BTG4: variants seen among roughly 807,000 people sequenced by gnomAD.
BTG4 encodes the protein BTG anti-proliferation factor 4.
BTG4 carries 10 observed loss-of-function variants against 19.3 expected under a neutral mutation model. The observed-to-expected ratio is 0.52, with a 90% CI of 0.32 to 0.88. The LOEUF is 0.88. Among genes scored for constraint, BTG4 ranks in the 40% least tolerant of loss-of-function variants. The probability of loss-of-function intolerance (pLI) is 0.04; values close to 1 mark genes in which losing one functional copy is unlikely to be tolerated. For missense variants in BTG4, 238 were observed against 281.9 expected (o/e 0.84, Z 1.11); for synonymous variants, 91 against 95.7 (o/e 0.95, Z 0.29).
the BTG4 span, among the ~76,000 whole-genome samples, chr11:111,400,437 T>G: frequency 6.6e-6 from 1 of 152,246 alleles, no homozygotes; most frequent in South Asian, 2.1e-4. Context: ...CTCTGTATTG[T>G]ACAGGCTCAT....
the BTG4 span, among the ~76,000 whole-genome samples, chr11:111,421,440 T>C: frequency 5.0e-3 from 758 of 152,292 alleles, 9 homozygotes; most frequent in African/African-American, 0.017. Context: ...AGTCAACCGA[T>C]TTGCAAAGAC....
chr11:111,444,178 G>A, the BTG4 span, among the ~76,000 whole-genome samples: 30 of 139,028 alleles, frequency 2.2e-4, no homozygotes, highest in African/African-American at 8.0e-4. Flanking sequence ...CCACTACCCT[G>A]AGGGGTGTGT....
At chr11:111,484,654 C>T (rs1257648172) in intron 5 of BTG4, among the ~76,000 whole-genome samples, 1 of 151,512 alleles carries the variant, frequency 6.6e-6, no homozygotes, top group Non-Finnish European at 1.5e-5. Flanking sequence ...GATACACACA[C>T]AAAAAAAAAG....
chr11:111,512,964 A>T, upstream of BTG4: 1 of 470,020 alleles, frequency 2.1e-6, no homozygotes, highest in South Asian at 1.6e-5. Flanking sequence ...CAGTGTCATT[A>T]GCTGATTGTA....
the BTG4 span, chr11:111,454,194 G>C: frequency 4.6e-6 from 2 of 431,706 alleles, no homozygotes; most frequent in South Asian, 3.4e-5. Context: ...GCTCATATTT[G>C]CATTTCAGGA....
intron 1 of BTG4, among the ~76,000 whole-genome samples, chr11:111,503,675 G>A (rs538563284): frequency 6.6e-6 from 1 of 152,130 alleles, no homozygotes; most frequent in Non-Finnish European, 1.5e-5. Context: ...AGAACAGAAA[G>A]GCAGTGAAGC....
intron 4 of BTG4, among the ~76,000 whole-genome samples, 186 bp from the exon 5 acceptor site, chr11:111,495,500 T>G (rs1391509829): frequency 2.6e-5 from 4 of 152,232 alleles, no homozygotes; most frequent in Non-Finnish European, 5.9e-5. Context: ...ATACTGTACC[T>G]TTTTAAAAAG....
chr11:111,481,755 C>T (rs192582426), intron 5 of BTG4, among the ~76,000 whole-genome samples: 8 of 151,788 alleles, frequency 5.3e-5, no homozygotes, highest in African/African-American at 1.9e-4. Flanking sequence ...GCAGAAAAAG[C>T]ATTTCACAAA....
At chr11:111,482,678 A>G (rs1452066737) in intron 5 of BTG4, among the ~76,000 whole-genome samples, 1 of 152,182 alleles carries the variant, frequency 6.6e-6, no homozygotes, top group African/African-American at 2.4e-5. Flanking sequence ...TGCAAGAACA[A>G]TTTGATGGAG....
the BTG4 span, among the ~76,000 whole-genome samples, chr11:111,403,320 T>C: frequency 6.6e-6 from 1 of 152,244 alleles, no homozygotes; most frequent in Non-Finnish European, 1.5e-5. Flanking sequence ...ACACTTCTGT[T>C]GTTTTCCTCC....
At chr11:111,384,600 T>C in the BTG4 span, 1 of 152,166 alleles carries the variant, frequency 6.6e-6, no homozygotes, top group Non-Finnish European at 1.5e-5. Context: ...TCTAGCCAAA[T>C]TGTCATTCAA....
chr11:111,399,456 A>C, the BTG4 span, among the ~76,000 whole-genome samples: 1 of 152,186 alleles, frequency 6.6e-6, no homozygotes, highest in South Asian at 2.1e-4. Flanking sequence ...CATTCATTTC[A>C]TGGGGAGAAA....
the BTG4 span, among the ~76,000 whole-genome samples, chr11:111,438,120 G>A: frequency 3.3e-5 from 5 of 152,210 alleles, no homozygotes; most frequent in African/African-American, 7.2e-5. Flanking sequence ...GAGGGGAAGG[G>A]GGCTGCCAGG....
downstream of BTG4, chr11:111,462,715 G>A (rs1863472479): frequency 6.6e-6 from 1 of 152,396 alleles, no homozygotes; most frequent in South Asian, 2.1e-4. Flanking sequence ...GTGGTGCTAG[G>A]TATGCAGAAG....
the BTG4 span, among the ~76,000 whole-genome samples, chr11:111,409,220 G>C: frequency 1.3e-5 from 2 of 152,034 alleles, no homozygotes; most frequent in African/African-American, 2.4e-5. Flanking sequence ...GATAGGAGCT[G>C]GAAAAGGAGC....
chr11:111,449,324 C>T, the BTG4 span: 5 of 152,298 alleles, frequency 3.3e-5, no homozygotes, highest in Non-Finnish European at 5.9e-5. Flanking sequence ...TCCCCCTCCC[C>T]GCCCCCAGCC....
the BTG4 span, among the ~76,000 whole-genome samples, chr11:111,436,974 T>C: frequency 6.6e-6 from 1 of 152,198 alleles, no homozygotes; most frequent in Non-Finnish European, 1.5e-5. Context: ...AAGCAGACGC[T>C]GCAGGGCAGA....
chr11:111,455,729 A>C, the BTG4 span: 42 of 429,534 alleles, frequency 9.8e-5, no homozygotes, highest in African/African-American at 8.1e-4. Flanking sequence ...TCCTTTTCCC[A>C]CCCCTGATTG....
chr11:111,417,173 A>C, the BTG4 span: 2 of 152,232 alleles, frequency 1.3e-5, no homozygotes, highest in Non-Finnish European at 1.5e-5. Context: ...TAATAGACTG[A>C]GAGATTCACT....
Sources: gnomAD v4.1 joint callset for allele counts (sites outside exome capture counted in the v4.1 genomes callset) on GRCh38, gnomAD v4.1.1 for gene constraint, MANE v1.5 for transcripts, NCBI Gene and HGNC (gene_info 2026-07-23, HGNC 2026-07-21) for gene names.